EDA: variants seen among roughly 807,000 people sequenced by gnomAD.
The protein encoded by EDA is ectodysplasin-A.
EDA carries 2 observed loss-of-function variants against 23.6 expected under a neutral mutation model. That is an observed-to-expected ratio of 0.08 (90% confidence interval 0.03 to 0.27). The LOEUF (loss-of-function observed/expected upper bound fraction) is 0.27. Ranked by LOEUF, EDA falls within the 10% of genes least tolerant of loss-of-function variation. EDA has a pLI of 1.00. For missense variants in EDA, 229 were observed against 324.2 expected (o/e 0.71, Z 2.26); for synonymous variants, 131 against 132.0 (o/e 0.99, Z 0.05).
intron 1 of EDA, among the ~76,000 whole-genome samples, chrX:69,823,384 C>T (rs1364025121): frequency 1.2e-5 from 1 of 86,535 alleles, no homozygotes; most frequent in Non-Finnish European, 2.2e-5. Context: ...TTAATGACTG[C>T]CATTCTAACT....
intron 1 of EDA, among the ~76,000 whole-genome samples, chrX:69,736,956 A>G (rs765181777): frequency 1.2e-4 from 13 of 108,316 alleles, no homozygotes; most frequent in African/African-American, 4.4e-4. Flanking sequence ...TATTTTTAGT[A>G]GAGATGGGTT....
At chrX:69,662,373 C>A (rs1436048214) in intron 1 of EDA, among the ~76,000 whole-genome samples, 1 of 110,775 alleles carries the variant, frequency 9.0e-6, no homozygotes, top group Non-Finnish European at 1.9e-5. Flanking sequence ...CTCATGAGAT[C>A]TGATGGTTTT....
chrX:69,616,623 C>T lies in EDA; in HGVS notation c.315C>T (p.His105=). The change falls in exon 1 of 8, where the codon CAC becomes CAT. Residue 105 remains histidine, a synonymous_variant. Coordinates refer to ENST00000374552, the MANE Select transcript of EDA (RefSeq NM_001399.5). ...GLDPDSPITS[H]LGQPSPKQQP... is the part of the protein sequence containing the mutation. Reference sequence around the variant, plus strand: ...ACCCTGACAGCCCCATCACCAGTCACCTTGGGCAGCCGTCACCTAAGCAGC... The same window carrying T: ...ACCCTGACAGCCCCATCACCAGTCATCTTGGGCAGCCGTCACCTAAGCAGC... 9 of 1,211,618 alleles carry T rather than the reference C, an allele frequency of 7.4e-6. No homozygotes were observed. The highest frequency in any genetic ancestry group is 1.0e-5 in the Non-Finnish European group (9 of 895,399).
At chrX:70,013,417 C>T (rs771934678) in intron 2 of EDA, among the ~76,000 whole-genome samples, 3 of 111,186 alleles carry the variant, frequency 2.7e-5, no homozygotes, top group Non-Finnish European at 5.7e-5. Flanking sequence ...ACTGAGCATT[C>T]CCGCTGGTAG....
chrX:69,657,196 T>C (rs775123664), intron 1 of EDA, among the ~76,000 whole-genome samples: 12 of 112,160 alleles, frequency 1.1e-4, no homozygotes, highest in African/African-American at 3.2e-4. Context: ...CTATTCCGAT[T>C]GGTGTGAGAT....
chrX:69,801,021 C>T (rs2015672047), intron 1 of EDA, among the ~76,000 whole-genome samples: 1 of 111,587 alleles, frequency 9.0e-6, no homozygotes, highest in African/African-American at 3.3e-5. Flanking sequence ...CCCTTATTGG[C>T]CAGAGTAGAT....
At chrX:69,920,835 A>G (rs1470180792) in intron 1 of EDA, among the ~76,000 whole-genome samples, 1 of 111,860 alleles carries the variant, frequency 8.9e-6, no homozygotes, top group Non-Finnish European at 1.9e-5. Flanking sequence ...TAAGGAAATC[A>G]TTATGAACAG....
chrX:69,780,567 A>G (rs1274037729), intron 1 of EDA, among the ~76,000 whole-genome samples: 1 of 110,893 alleles, frequency 9.0e-6, no homozygotes, highest in Non-Finnish European at 1.9e-5. Flanking sequence ...TCCCCACCCA[A>G]ATCTCATGTC....
At chrX:69,681,765 G>A (rs1367925565) in intron 1 of EDA, among the ~76,000 whole-genome samples, 1 of 110,900 alleles carries the variant, frequency 9.0e-6, no homozygotes, top group South Asian at 3.9e-4. Context: ...CCTTTGTTTT[G>A]AATGTCCTCC....
intron 1 of EDA, among the ~76,000 whole-genome samples, chrX:69,879,339 T>C (rs2017704950): frequency 8.9e-6 from 1 of 112,233 alleles, no homozygotes; most frequent in Non-Finnish European, 1.9e-5. Flanking sequence ...GCTGTTCTTT[T>C]TGGTTCTTCA....
At chrX:69,831,891 T>C (rs185796882) in intron 1 of EDA, among the ~76,000 whole-genome samples, 1 of 112,240 alleles carries the variant, frequency 8.9e-6, no homozygotes, top group Non-Finnish European at 1.9e-5. Flanking sequence ...TGCAGCTTTT[T>C]TTTTCTTGTA....
intron 1 of EDA, among the ~76,000 whole-genome samples, chrX:69,649,035 G>A (rs759062507): frequency 9.0e-6 from 1 of 111,539 alleles, no homozygotes; most frequent in East Asian, 2.8e-4. Context: ...TCCCGGGTGG[G>A]CCGTCATCCC....
At chrX:69,810,621 T>C (rs1444870069) in intron 1 of EDA, among the ~76,000 whole-genome samples, 4 of 109,375 alleles carry the variant, frequency 3.7e-5, no homozygotes, top group Non-Finnish European at 7.6e-5. Flanking sequence ...CTGGGCGTGG[T>C]GGTGGCCACC....
At chrX:69,638,340 G>A (rs1052144780) in intron 1 of EDA, among the ~76,000 whole-genome samples, 1 of 112,124 alleles carries the variant, frequency 8.9e-6, no homozygotes, top group African/African-American at 3.2e-5. Context: ...GAATAGTTCA[G>A]TACTTAGAAT....
chrX:69,921,769 C>T (rs73226443), intron 1 of EDA, among the ~76,000 whole-genome samples: 6,099 of 111,270 alleles, frequency 0.055, 168 homozygotes, highest in Non-Finnish European at 0.083. Flanking sequence ...GTATCCCATC[C>T]TGAGATCAAT....
intron 1 of EDA, among the ~76,000 whole-genome samples, chrX:69,895,258 C>G (rs1158137012): frequency 9.1e-6 from 1 of 110,330 alleles, no homozygotes; most frequent in African/African-American, 3.3e-5. Flanking sequence ...GGAATAAAGC[C>G]TACTTGATCA....
intron 1 of EDA, among the ~76,000 whole-genome samples, chrX:69,904,067 C>A (rs934453117): frequency 2.3e-4 from 25 of 110,881 alleles, no homozygotes; most frequent in Admixed American, 7.7e-4. Flanking sequence ...CCCTCTAGGC[C>A]TCCAAAAGTG....
At chrX:69,648,878 T>C (rs919313032) in intron 1 of EDA, among the ~76,000 whole-genome samples, 12 of 111,591 alleles carry the variant, frequency 1.1e-4, no homozygotes, top group Non-Finnish European at 1.5e-4. Context: ...GGACCCAAGG[T>C]CCTGGTGGTG....
At chrX:69,779,449 A>G (rs1195261544) in intron 1 of EDA, among the ~76,000 whole-genome samples, 1 of 111,500 alleles carries the variant, frequency 9.0e-6, no homozygotes, top group Non-Finnish European at 1.9e-5. Context: ...GTATGGTTCA[A>G]TTTATCTGAA....
Sources: gnomAD v4.1 joint callset for allele counts (sites outside exome capture counted in the v4.1 genomes callset) on GRCh38, gnomAD v4.1.1 for gene constraint, MANE v1.5 for transcripts, NCBI Gene and HGNC (gene_info 2026-07-23, HGNC 2026-07-21) for gene names.